The following RGSL1 variants were observed in gnomAD, a reference collection of about 807,000 sequenced individuals.
RGSL1 encodes the protein regulator of G protein signaling like 1.
RGSL1 carries 97 observed loss-of-function variants against 124.7 expected under a neutral mutation model. The observed-to-expected ratio is 0.78, with a 90% CI of 0.66 to 0.92. The LOEUF (loss-of-function observed/expected upper bound fraction) is 0.92. RGSL1 is among the 40% of genes least tolerant of loss of function. RGSL1 has a pLI of 0.00. For synonymous variants in RGSL1, 424 were observed against 438.1 expected, an observed-to-expected ratio of 0.97 and a Z score of 0.40; for missense variants, 1,233 against 1,288.4, an observed-to-expected ratio of 0.96 and a Z score of 0.66.
intron 2 of RGSL1, among the ~76,000 whole-genome samples, chr1:182,455,518 G>T (rs1024010803): frequency 2.0e-5 from 3 of 152,032 alleles, no homozygotes; most frequent in Non-Finnish European, 4.4e-5. Flanking sequence ...GGAGGCGGAG[G>T]TTGCAGTGAG....
intron 11 of RGSL1, among the ~76,000 whole-genome samples, chr1:182,528,193 C>G (rs1005238730): frequency 6.6e-6 from 1 of 152,088 alleles, no homozygotes; most frequent in Admixed American, 6.5e-5. Context: ...AGAACTCACT[C>G]ACTATCATGA....
intron 6 of RGSL1, among the ~76,000 whole-genome samples, chr1:182,485,259 C>T (rs1655015055): frequency 6.6e-6 from 1 of 152,192 alleles, no homozygotes; most frequent in East Asian, 1.9e-4. Flanking sequence ...CCAATGTTTC[C>T]TTTCATTCTC....
chr1:182,490,715 T>C (rs1655454401), intron 8 of RGSL1, among the ~76,000 whole-genome samples: 1 of 152,158 alleles, frequency 6.6e-6, no homozygotes, highest in Non-Finnish European at 1.5e-5. Context: ...AGTAAGAATG[T>C]GAACCACCCT....
intron 10 of RGSL1, among the ~76,000 whole-genome samples, chr1:182,526,951 TTAAC>T (rs1278608614): frequency 6.6e-6 from 1 of 152,154 alleles, no homozygotes; most frequent in Admixed American, 6.5e-5. Context: ...GTAAAGAGGT[TTAAC>T]TAATAACTAT....
At chr1:182,542,314 G>C (rs191403454) in intron 15 of RGSL1, among the ~76,000 whole-genome samples, 1 of 152,266 alleles carries the variant, frequency 6.6e-6, no homozygotes. Flanking sequence ...ATTTATTGAA[G>C]AGACGGTCCT....
intron 9 of RGSL1, among the ~76,000 whole-genome samples, chr1:182,495,926 C>T (rs1215017921): frequency 6.6e-6 from 1 of 152,134 alleles, no homozygotes; most frequent in Non-Finnish European, 1.5e-5. Context: ...ACTGTTGAGC[C>T]ACCTATGACT....
intron 8 of RGSL1, among the ~76,000 whole-genome samples, 170 bp downstream of exon 8, chr1:182,489,372 G>A (rs1356223647): frequency 1.3e-5 from 2 of 152,234 alleles, no homozygotes; most frequent in Admixed American, 1.3e-4. Context: ...GAGGCACAGA[G>A]AGGATGTGAC....
intron 2 of RGSL1, among the ~76,000 whole-genome samples, chr1:182,454,944 T>C (rs1652176379): frequency 6.6e-6 from 1 of 152,072 alleles, no homozygotes; most frequent in African/African-American, 2.4e-5. Context: ...GAAATTTCAG[T>C]CAAGTGGGAG....
intron 2 of RGSL1, among the ~76,000 whole-genome samples, chr1:182,455,420 A>G (rs569704512): frequency 6.6e-6 from 1 of 152,206 alleles, no homozygotes; most frequent in East Asian, 1.9e-4. Context: ...TGTCTCTACT[A>G]AAAATACAAA....
chr1:182,508,580 T>A (rs1263608744), intron 9 of RGSL1, among the ~76,000 whole-genome samples: 3 of 151,872 alleles, frequency 2.0e-5, no homozygotes, highest in Non-Finnish European at 4.4e-5. Flanking sequence ...ATTACAGGCG[T>A]GAGCCACTGC....
chr1:182,491,849 A>T (rs748631269), intron 8 of RGSL1, among the ~76,000 whole-genome samples: 48 of 152,032 alleles, frequency 3.2e-4, no homozygotes, highest in Non-Finnish European at 6.3e-4. Flanking sequence ...AACCCAAATG[A>T]ATACTTCTCC....
intron 9 of RGSL1, among the ~76,000 whole-genome samples, chr1:182,521,402 A>T (rs140088713): frequency 0.011 from 1,621 of 152,346 alleles, 15 homozygotes; most frequent in Non-Finnish European, 0.017. Context: ...TTGGGAGAAT[A>T]ATGGTTTCTA....
At chr1:182,521,450 C>T (rs886191938) in intron 9 of RGSL1, among the ~76,000 whole-genome samples, 3 of 152,168 alleles carry the variant, frequency 2.0e-5, no homozygotes, top group African/African-American at 4.8e-5. Context: ...TCTGAACTTG[C>T]ATGGTGTGCT....
intron 4 of RGSL1, among the ~76,000 whole-genome samples, chr1:182,467,663 C>T (rs1342393265): frequency 6.6e-6 from 1 of 152,164 alleles, no homozygotes; most frequent in Non-Finnish European, 1.5e-5. Context: ...ACCATAAAAT[C>T]CTAGAAGAAA....
intron 14 of RGSL1, among the ~76,000 whole-genome samples, chr1:182,534,702 C>G (rs897963352): frequency 6.6e-6 from 1 of 151,986 alleles, no homozygotes; most frequent in African/African-American, 2.4e-5. Context: ...TGGTGTGCAC[C>G]TGTAATCCCA....
At chr1:182,483,740 T>C (rs1325925653) in intron 6 of RGSL1, among the ~76,000 whole-genome samples, 1 of 152,168 alleles carries the variant, frequency 6.6e-6, no homozygotes, top group Admixed American at 6.5e-5. Context: ...TAGTAGCACT[T>C]GGGTCTTGGG....
At position 182,529,690 on chromosome 1, in the gene RGSL1, T is replaced by A. The variant is rs1659021148; in HGVS notation, c.2126-554T>A. On this transcript the variant is annotated intron_variant, in intron 11 of 21. Coordinates refer to ENST00000294854, the MANE Select transcript of RGSL1 (RefSeq NM_001137669.2). ...TAGAAAAATAGGTCAAATTAATGAA[T>A]CTTTATTTGTAAGCATTATTTATTT... 3.3e-5 allele frequency among the ~76,000 whole-genome samples: 5 copies of A among 152,186 alleles called. No homozygotes were observed. The South Asian group carries it at 1.0e-3, about 32-fold the overall frequency.
chr1:182,493,206 CTT>C, intron 9 of RGSL1, 77 bp downstream of exon 9: 2 of 1,025,864 alleles, frequency 1.9e-6, no homozygotes, highest in Non-Finnish European at 2.9e-6. Flanking sequence ...ATCTTGTGTT[CTT>C]TAAGGAACAT....
At chr1:182,458,033 A>G (rs1652488654) in intron 2 of RGSL1, among the ~76,000 whole-genome samples, 1 of 152,246 alleles carries the variant, frequency 6.6e-6, no homozygotes, top group Admixed American at 6.5e-5. Flanking sequence ...TGGCCTTTGC[A>G]CACAAGCAAA....
Sources: allele counts gnomAD v4.1 joint callset (sites outside exome capture counted in the v4.1 genomes callset), GRCh38; gene constraint gnomAD v4.1.1; transcripts MANE v1.5; gene names NCBI Gene and HGNC (gene_info 2026-07-23, HGNC 2026-07-21).